LGSN: variants seen among roughly 807,000 people sequenced by gnomAD.
LGSN encodes the protein lengsin.
A neutral mutation model predicts 19.5 loss-of-function variants in LGSN; 21 were observed. The observed-to-expected ratio is 1.07, with a 90% CI of 0.76 to 1.55. LGSN has a LOEUF of 1.55. LGSN is among the 40% of genes most tolerant of loss of function. The pLI, the probability that LGSN is intolerant of heterozygous loss-of-function variation, is 0.00. For synonymous variants in LGSN, 257 were observed against 215.6 expected (o/e 1.19, Z -1.68); for missense variants, 673 against 608.5 (o/e 1.11, Z -1.12).
chr6:63,294,646 T>C (rs1442079229), intron 2 of LGSN, among the ~76,000 whole-genome samples: 1 of 152,120 alleles, frequency 6.6e-6, no homozygotes, highest in African/African-American at 2.4e-5. Flanking sequence ...TTCCTACTCA[T>C]ACATTCCTCT....
chr6:63,280,150 T>C lies in LGSN; in HGVS notation c.1401A>G (p.Glu467=). 1 of 1,614,254 alleles carries C rather than the reference T, an allele frequency of 6.2e-7. No individual in the cohort carries two copies. The highest frequency in any genetic ancestry group is 8.5e-7 in the Non-Finnish European group (1 of 1,180,046). Residue 467 remains glutamate, a synonymous_variant, in exon 4 of 4, where the codon GAA becomes GAG. Coordinates refer to ENST00000370657, the MANE Select transcript of LGSN (RefSeq NM_016571.3). ...LKLEDALVAL[E]EDQCLRQALG... Reference sequence around the variant, plus strand: ...GAGCCTGTCTCAGGCATTGATCTTCTTCCAGTGCCACAAGGGCATCTTCTA... The same window carrying C: ...GAGCCTGTCTCAGGCATTGATCTTCCTCCAGTGCCACAAGGGCATCTTCTA...
the LGSN span, among the ~76,000 whole-genome samples, chr6:63,331,674 C>T: frequency 6.6e-6 from 1 of 152,126 alleles, no homozygotes; most frequent in Non-Finnish European, 1.5e-5. Context: ...GGTCCCTGGA[C>T]CCTGCTGATC....
the LGSN span, among the ~76,000 whole-genome samples, chr6:63,366,462 A>T: frequency 6.6e-6 from 1 of 152,252 alleles, no homozygotes; most frequent in Non-Finnish European, 1.5e-5. Flanking sequence ...ATGGAAGAAC[A>T]TTCCGTGCTC....
chr6:63,391,154 TATG>T, the LGSN span, among the ~76,000 whole-genome samples: 1 of 152,330 alleles, frequency 6.6e-6, no homozygotes, highest in African/African-American at 2.4e-5. Flanking sequence ...TTTTAAAAAA[TATG>T]ATAATGGAGA....
Position 63,280,342 on chromosome 6 carries a change from G to A in LGSN, c.1209C>T (p.Thr403=), listed in dbSNP as rs1401468597. Residue 403 remains threonine, a synonymous_variant, in exon 4 of 4, where the codon ACC becomes ACT. Transcript: ENST00000370657. Reference sequence around the variant, plus strand: ...CTGAGCCTAGTTTATTTTCTATCCGGGTGCCTTTCTCTCCATGACATTTGA... The same window carrying A: ...CTGAGCCTAGTTTATTTTCTATCCGAGTGCCTTTCTCTCCATGACATTTGA... The part of the protein sequence containing the change: ...FNIKCHGEKG[T]RIENKLGSAT... 6.2e-7 allele frequency: 1 copy of A among 1,614,082 alleles called. No individual in the cohort carries two copies. Among genetic ancestry groups the A allele is most frequent in the African/African-American group, 1.3e-5 (1 of 74,990 alleles).
At chr6:63,484,242 C>T in the LGSN span, among the ~76,000 whole-genome samples, 3 of 152,194 alleles carry the variant, frequency 2.0e-5, no homozygotes, top group Admixed American at 6.5e-5. Context: ...ATGGCTCACG[C>T]CTGTAATCCC....
the LGSN span, among the ~76,000 whole-genome samples, chr6:63,539,712 T>C: frequency 1.3e-5 from 2 of 151,442 alleles, no homozygotes; most frequent in Non-Finnish European, 2.9e-5. Context: ...GAGGTTGCAG[T>C]GAGCTGAGAT....
the LGSN span, among the ~76,000 whole-genome samples, chr6:63,497,907 T>C: frequency 7.0e-6 from 1 of 143,488 alleles, no homozygotes; most frequent in East Asian, 2.0e-4. Flanking sequence ...TTCTATAGAT[T>C]TGTCATGTTT....
the LGSN span, among the ~76,000 whole-genome samples, chr6:63,361,724 A>T: frequency 6.6e-6 from 1 of 152,168 alleles, no homozygotes; most frequent in East Asian, 1.9e-4. Context: ...GGAAATGCAG[A>T]AATCATTCAA....
the LGSN span, among the ~76,000 whole-genome samples, chr6:63,536,468 G>A: frequency 2.6e-5 from 4 of 152,220 alleles, no homozygotes; most frequent in East Asian, 7.7e-4. Context: ...CCCAGACAGA[G>A]TGAATTATAT....
the LGSN span, chr6:63,571,979 C>T: frequency 2.0e-5 from 3 of 152,192 alleles, no homozygotes; most frequent in Non-Finnish European, 2.9e-5. Context: ...GACGAAGGTA[C>T]TCGGGGCCCA....
At chr6:63,560,556 T>C in the LGSN span, among the ~76,000 whole-genome samples, 266 of 151,912 alleles carry the variant, frequency 1.8e-3, no homozygotes, top group African/African-American at 5.2e-3. Context: ...TGTACCACCA[T>C]GGCCCACTAA....
chr6:63,420,022 G>GA, the LGSN span, among the ~76,000 whole-genome samples: 14 of 143,792 alleles, frequency 9.7e-5, no homozygotes, highest in African/African-American at 3.5e-4. Flanking sequence ...CTAACACGGT[G>GA]AAACCCCGTC....
At chr6:63,337,603 A>G in the LGSN span, among the ~76,000 whole-genome samples, 184 of 151,888 alleles carry the variant, frequency 1.2e-3, no homozygotes, top group African/African-American at 4.1e-3. Flanking sequence ...GGAGTTTGAG[A>G]CCAACCAGGG....
At chr6:63,482,520 A>G in the LGSN span, among the ~76,000 whole-genome samples, 81,481 of 151,958 alleles carry the variant, frequency 0.54, 23,682 homozygotes, top group African/African-American at 0.77. Context: ...CTTCAGACCA[A>G]GAGTTTGAGA....
At chr6:63,455,287 A>C in the LGSN span, among the ~76,000 whole-genome samples, 1 of 152,270 alleles carries the variant, frequency 6.6e-6, no homozygotes, top group African/African-American at 2.4e-5. Context: ...ACCCATGCCC[A>C]AGGGCAATTT....
At chr6:63,357,035 T>C in the LGSN span, among the ~76,000 whole-genome samples, 2 of 131,460 alleles carry the variant, frequency 1.5e-5, no homozygotes, top group East Asian at 2.4e-4. Flanking sequence ...CCCGTGTCCA[T>C]GTGTTCTCAT....
chr6:63,329,556 C>T, the LGSN span, among the ~76,000 whole-genome samples: 1 of 152,162 alleles, frequency 6.6e-6, no homozygotes, highest in Non-Finnish European at 1.5e-5. Context: ...TTCTGTAATC[C>T]TTTATGAGCT....
At chr6:63,536,271 A>G in the LGSN span, among the ~76,000 whole-genome samples, 1 of 152,178 alleles carries the variant, frequency 6.6e-6, no homozygotes, top group African/African-American at 2.4e-5. Flanking sequence ...CGTAGGTTGC[A>G]GTGAGCTGAA....
Sources: allele counts gnomAD v4.1 joint callset (sites outside exome capture counted in the v4.1 genomes callset), GRCh38; gene constraint gnomAD v4.1.1; transcripts MANE v1.5; gene names NCBI Gene and HGNC (gene_info 2026-07-23, HGNC 2026-07-21).